The following LINGO2 variants were observed in gnomAD, a reference collection of about 807,000 sequenced individuals.
The protein encoded by LINGO2 is leucine rich repeat and Ig domain containing 2, also known as leucine-rich repeat and immunoglobulin-like domain-containing nogo receptor-interacting protein 2.
LINGO2 carries 14 observed loss-of-function variants against 30.6 expected under a neutral mutation model. The observed-to-expected ratio is 0.46, with a 90% CI of 0.30 to 0.72. The LOEUF (loss-of-function observed/expected upper bound fraction) is 0.72, where lower values mean the gene tolerates loss of function less well. Ranked by LOEUF, LINGO2 falls within the 30% of genes least tolerant of loss-of-function variation. The probability of loss-of-function intolerance (pLI) is 0.07; values close to 1 mark genes in which losing one functional copy is unlikely to be tolerated. For synonymous variants in LINGO2, 317 were observed against 288.5 expected (o/e 1.10, Z -1.00); for missense variants, 729 against 751.7 (o/e 0.97, Z 0.35).
chr9:28,065,436 AAG>A (rs200676793), intron 4 of LINGO2, among the ~76,000 whole-genome samples: 6 of 61,746 alleles, frequency 9.7e-5, no homozygotes, highest in Non-Finnish European at 2.2e-4. Flanking sequence ...AATCATATAA[AAG>A]ATCACATATT....
rs1035085310 is a variant in LINGO2 at position 28,070,706 on chromosome 9, T to G, written c.-86-58301A>C. 1.2e-4 allele frequency among the ~76,000 whole-genome samples: 18 copies of G among 150,392 alleles called. No individual in the cohort carries two copies. The East Asian group carries it at 3.3e-3, about 27-fold the overall frequency. The stretch of plus-strand genomic sequence containing the variant: ...GGCCATGGACCAGAATTACTATTAT[T>G]TTGTTTTGTTCTGTTTGTTTTTTGA... On this transcript the variant is annotated intron_variant, in intron 4 of 5. Transcript: ENST00000379992.
intron 4 of LINGO2, among the ~76,000 whole-genome samples, chr9:28,089,632 A>C (rs951724746): frequency 2.0e-5 from 3 of 151,964 alleles, no homozygotes; most frequent in Non-Finnish European, 4.4e-5. Context: ...AAAATTGACA[A>C]CCTAACATCA....
chr9:28,774,179 A>T, the LINGO2 span, among the ~76,000 whole-genome samples: 2 of 152,170 alleles, frequency 1.3e-5, no homozygotes, highest in Non-Finnish European at 2.9e-5. Context: ...TTTCAATAAT[A>T]GAGCATGAGC....
At chr9:29,110,188 A>G in the LINGO2 span, among the ~76,000 whole-genome samples, 1 of 152,202 alleles carries the variant, frequency 6.6e-6, no homozygotes, top group African/African-American at 2.4e-5. Context: ...TTAGCCAATC[A>G]TGTAACTGGC....
exon 6 of LINGO2, chr9:27,949,215 C>T (rs1198412743): frequency 6.2e-7 from 1 of 1,614,062 alleles, no homozygotes; most frequent in East Asian, 2.2e-5. Context: ...AGCAGCATTG[C>T]TAGCGATGCA....
chr9:28,047,760 A>G (rs937541939), intron 4 of LINGO2, among the ~76,000 whole-genome samples: 1 of 149,246 alleles, frequency 6.7e-6, no homozygotes, highest in Admixed American at 6.8e-5. Context: ...ATTAAAAGCA[A>G]TAGAACACTT....
chr9:29,147,835 T>A, the LINGO2 span, among the ~76,000 whole-genome samples: 1 of 152,084 alleles, frequency 6.6e-6, no homozygotes, highest in South Asian at 2.1e-4. Flanking sequence ...TAAAACCATC[T>A]GCAAACTAAA....
chr9:28,350,883 C>T (rs1819846296), intron 3 of LINGO2, among the ~76,000 whole-genome samples: 1 of 151,956 alleles, frequency 6.6e-6, no homozygotes, highest in Admixed American at 6.6e-5. Flanking sequence ...ACTGAACAAC[C>T]TGCTCCTGAA....
chr9:28,939,497 CT>C, the LINGO2 span, among the ~76,000 whole-genome samples: 2 of 152,122 alleles, frequency 1.3e-5, no homozygotes, highest in African/African-American at 4.8e-5. Flanking sequence ...GCTTTAAACT[CT>C]TTCTGCTGCC....
At chr9:29,207,372 T>C in the LINGO2 span, among the ~76,000 whole-genome samples, 3 of 152,202 alleles carry the variant, frequency 2.0e-5, no homozygotes, top group South Asian at 2.1e-4. Flanking sequence ...TGCTGGCTAG[T>C]AGATAAGTAT....
the LINGO2 span, among the ~76,000 whole-genome samples, chr9:28,755,359 C>T: frequency 0.35 from 53,171 of 151,936 alleles, 13,595 homozygotes; most frequent in African/African-American, 0.71. Flanking sequence ...CTTGAGCAAA[C>T]TACTTAACCT....
At chr9:28,694,308 T>C in the LINGO2 span, among the ~76,000 whole-genome samples, 1 of 152,012 alleles carries the variant, frequency 6.6e-6, no homozygotes, top group Admixed American at 6.6e-5. Flanking sequence ...CCAAATGATT[T>C]ATGAAGAAGG....
At chr9:29,061,627 A>G in the LINGO2 span, among the ~76,000 whole-genome samples, 2 of 152,068 alleles carry the variant, frequency 1.3e-5, no homozygotes, top group Admixed American at 1.3e-4. Flanking sequence ...CTGGTTATCC[A>G]CACGCAAAAG....
chr9:28,630,774 A>T (rs1482449729), intron 1 of LINGO2, among the ~76,000 whole-genome samples: 1 of 152,086 alleles, frequency 6.6e-6, no homozygotes. Context: ...ATATCTACAA[A>T]TCTGTAGAAT....
At chr9:28,119,073 T>C (rs1043863071) in intron 4 of LINGO2, among the ~76,000 whole-genome samples, 7 of 152,188 alleles carry the variant, frequency 4.6e-5, no homozygotes, top group African/African-American at 1.7e-4. Flanking sequence ...AAATGTGTTT[T>C]TAAAAAAGAA....
intron 2 of LINGO2, among the ~76,000 whole-genome samples, chr9:28,412,186 A>G (rs930334438): frequency 0.03 from 262 of 8,746 alleles, no homozygotes; most frequent in African/African-American, 0.096. Flanking sequence ...CTTGTAAGTG[A>G]AAAAAAAAAA....
chr9:28,190,432 G>A (rs1268474890), intron 4 of LINGO2, among the ~76,000 whole-genome samples: 1 of 152,104 alleles, frequency 6.6e-6, no homozygotes, highest in Non-Finnish European at 1.5e-5. Context: ...CTAACCCCTA[G>A]TGTAATGGTA....
At chr9:28,938,980 T>A in the LINGO2 span, among the ~76,000 whole-genome samples, 1 of 152,358 alleles carries the variant, frequency 6.6e-6, no homozygotes, top group Non-Finnish European at 1.5e-5. Context: ...CTCTGTCATA[T>A]TTATGGAAGG....
upstream of LINGO2, among the ~76,000 whole-genome samples, chr9:28,670,699 A>C (rs74868408): frequency 9.3e-3 from 1,413 of 152,296 alleles, 20 homozygotes; most frequent in African/African-American, 0.033. Flanking sequence ...ACCAAATTTT[A>C]GCAAATATCC....
Sources: gnomAD v4.1 joint callset for allele counts (sites outside exome capture counted in the v4.1 genomes callset) on GRCh38, gnomAD v4.1.1 for gene constraint, MANE v1.5 for transcripts, NCBI Gene and HGNC (gene_info 2026-07-23, HGNC 2026-07-21) for gene names.